Variants in VPS13A observed in about 807,000 individuals in gnomAD.
The protein encoded by VPS13A is intermembrane lipid transfer protein VPS13A.
VPS13A carries 264 observed loss-of-function variants against 390.9 expected under a neutral mutation model. That is an observed-to-expected ratio of 0.68 (90% CI 0.61 to 0.75). VPS13A has a LOEUF of 0.75. VPS13A is among the 30% of genes least tolerant of loss of function. The probability of loss-of-function intolerance (pLI) is 0.00; values close to 1 mark genes in which losing one functional copy is unlikely to be tolerated. For synonymous variants in VPS13A, 1,231 were observed against 1,227.1 expected (o/e 1.00, Z -0.07); for missense variants, 3,409 against 3,733.9 (o/e 0.91, Z 2.27).
Position 77,321,530 on chromosome 9 carries a change from G to A in VPS13A, c.5614G>A (p.Val1872Ile), listed in dbSNP as rs979019015. 16 of 1,613,264 alleles carry A rather than the reference G, an allele frequency of 9.9e-6. No homozygotes were observed. The highest frequency in any genetic ancestry group is 1.6e-4 in the Middle Eastern group (1 of 6,070). The change falls in exon 44 of 72, where the codon GTA (valine) becomes ATA (isoleucine). Residue 1872 changes from valine (V) to isoleucine (I), a missense_variant. Val to Ile is a conservative substitution (Grantham distance 29). This residue lies in a region of VPS13A where 2,717 missense variants were observed against 2,917.4 expected (regional missense o/e 0.93). Coordinates refer to ENST00000360280, the MANE Select transcript of VPS13A (RefSeq NM_033305.3). Reference protein sequence around the residue: ...EAATGSSADFVKDLAPFMILN... With the variant: ...EAATGSSADFIKDLAPFMILN... ...TGCCACTGGATCTTCAGCTGACTTCGTAAAGGATCTAGCACCATTTATGAT... is the reference window on the plus strand; with the variant it reads ...TGCCACTGGATCTTCAGCTGACTTCATAAAGGATCTAGCACCATTTATGAT...
Position 77,318,483 on chromosome 9 carries a change from T to C in VPS13A, c.5205T>C (p.Ala1735=), listed in dbSNP as rs1829535335. The C allele has an allele frequency of 6.2e-7, 1 of 1,613,856 alleles. No individual in the cohort carries two copies. Among genetic ancestry groups the C allele is most frequent in the South Asian group, 1.1e-5 (1 of 91,078 alleles). Residue 1735 remains alanine, a synonymous_variant, in exon 41 of 72, where the codon GCT becomes GCC. Transcript: ENST00000360280. ...NIDSIFIVLE[A]GIGHRTVPML... ...ATTCTATTTTTATAGTTCTTGAGGC[T>C]GGAATTGGTCATAGAACAGTACCTA...
chr9:77,247,211 C>T (rs750186118), intron 19 of VPS13A, 48 bp from the exon 20 acceptor site: 13 of 1,434,714 alleles, frequency 9.1e-6, no homozygotes, highest in Admixed American at 8.2e-5. Flanking sequence ...CTGTATTTCT[C>T]GAGTAATTTG....
Position 77,366,985 on chromosome 9 carries a change from T to A in VPS13A, c.8471+113T>A. The stretch of plus-strand genomic sequence containing the variant: ...AGTACGTTGCAGATCATAGGCAAAA[T>A]GAGGTTTTTGCATTCAAGTGAAGTG... On this transcript the variant is annotated intron_variant, in intron 61 of 71. Transcript: ENST00000360280. The A allele has an allele frequency of 4.6e-6, 5 of 1,091,160 alleles. No homozygotes were observed. The South Asian group carries it at 8.0e-5, about 18-fold the overall frequency. 67.6% of individuals were successfully genotyped at this position (1,091,160 alleles called of 1,614,324 possible). A position where few individuals can be genotyped will look rare whatever the true frequency, so the allele number is the denominator to read the frequency against.
rs749819408 is a variant in VPS13A, at chr9:77,219,995, C to G, written c.796C>G (p.Arg266Gly). The change falls in exon 11 of 72, where the codon CGC (arginine) becomes GGC (glycine). Residue 266 changes from arginine to glycine, a missense_variant. Around this residue, in one of 5 missense-constraint regions of VPS13A, gnomAD observed 2,717 missense variants for 2,917.4 expected, o/e 0.93. Transcript: ENST00000360280. ...ISANAKLVMN[R>G]RSDFDFSAPK... ...TGCTAATGCCAAACTTGTGATGAAT[C>G]GCCGATCTGATTTTGACTTTTCTGC... 1 of 1,613,268 alleles carries G rather than the reference C, an allele frequency of 6.2e-7. No individual in the cohort carries two copies. The highest frequency in any genetic ancestry group is 2.2e-5 in the East Asian group (1 of 44,834).
intron 2 of VPS13A, among the ~76,000 whole-genome samples, chr9:77,200,852 C>A (rs75977088): frequency 0.011 from 1,635 of 152,146 alleles, 14 homozygotes; most frequent in Non-Finnish European, 0.017. Context: ...GATCTTAGAT[C>A]CATTTTGAGG....
At chr9:77,384,840 T>G in intron 68 of VPS13A, 2 of 1,451,300 alleles carry the variant, frequency 1.4e-6, no homozygotes, top group East Asian at 5.0e-5. Context: ...ATTGTATTAT[T>G]TAAGCACAGA....
rs374688179 is a variant in VPS13A at position 77,253,022 on chromosome 9, T to C, written c.2288+670T>C. ...GAAGTAGAATTGCTGGATCATATTATAGTTCAGTGTTTAAGTTTTAGAGGA... is the reference window on the plus strand; with the variant it reads ...GAAGTAGAATTGCTGGATCATATTACAGTTCAGTGTTTAAGTTTTAGAGGA... On this transcript the variant is annotated intron_variant, in intron 22 of 71. Transcript: ENST00000360280. Among the ~76,000 whole-genome samples the C allele has an allele frequency of 8.9e-4, 136 of 152,348 alleles. 1 individual carries two copies. Among genetic ancestry groups the C allele is most frequent in the African/African-American group, 3.0e-3 (124 of 41,584 alleles).
chr9:77,296,838 T>G (rs571736589), intron 33 of VPS13A, among the ~76,000 whole-genome samples: 1 of 152,310 alleles, frequency 6.6e-6, no homozygotes, highest in South Asian at 2.1e-4. Flanking sequence ...ATTTCTTTAA[T>G]AAATTTGGGG....
chr9:77,275,644 G>T lies in VPS13A; in HGVS notation c.2659G>T (p.Val887Leu). Residue 887 changes from valine (V) to leucine (L), a missense_variant, in exon 25 of 72, where the codon GTA becomes TTA. Val to Leu is a conservative substitution (Grantham distance 32). Coordinates refer to ENST00000360280, the MANE Select transcript of VPS13A (RefSeq NM_033305.3). ...GACTACATTTAAAATAAGATTTGAA[G>T]TACCAAAGGTAGGTACTACGGTAAA... is the stretch of plus-strand genomic sequence containing the variant. ...NMTTFKIRFE[V>L]PKVLIEFYHL... The T allele has an allele frequency of 6.2e-7, 1 of 1,613,196 alleles. No individual in the cohort carries two copies. Among genetic ancestry groups the T allele is most frequent in the South Asian group, 1.1e-5 (1 of 91,028 alleles).
chr9:77,303,875 C>A (rs1392583778), intron 34 of VPS13A, among the ~76,000 whole-genome samples: 1 of 152,158 alleles, frequency 6.6e-6, no homozygotes, highest in South Asian at 2.1e-4. Flanking sequence ...CAGAATTGAA[C>A]AAATGTACAA....
chr9:77,286,318 G>C (rs1056638099), intron 31 of VPS13A, among the ~76,000 whole-genome samples: 3 of 152,154 alleles, frequency 2.0e-5, no homozygotes, highest in Non-Finnish European at 2.9e-5. Context: ...CTCGAGGGGT[G>C]CCCACCAGGG....
Position 77,396,937 on chromosome 9 carries a change from A to G in VPS13A, c.9190-6299A>G, listed in dbSNP as rs144112367. On this transcript the variant is annotated intron_variant, in intron 68 of 71. Transcript: ENST00000360280. The stretch of plus-strand genomic sequence containing the variant: ...CAGTCTATAAAACCATTTGTTATCT[A>G]TATATTTTCTTGCTTGATAGTATTC... Among the ~76,000 whole-genome samples the G allele has an allele frequency of 1.4e-3, 216 of 152,282 alleles. 1 individual carries two copies. The highest frequency in any genetic ancestry group is 8.7e-4 in the Non-Finnish European group (59 of 68,006).
chr9:77,235,111 T>C (rs895544529), intron 17 of VPS13A, among the ~76,000 whole-genome samples: 11 of 152,230 alleles, frequency 7.2e-5, no homozygotes, highest in African/African-American at 1.7e-4. Context: ...GGCTTTCTTA[T>C]TTGCTTATGT....
In VPS13A at chr9:77,419,251, C is replaced by G. The variant is rs1835270801; in HGVS notation, c.*3245C>G. 2 of 151,970 alleles carry G rather than the reference C, an allele frequency of 1.3e-5. No individual in the cohort carries two copies. The highest frequency in any genetic ancestry group is 2.9e-5 in the Non-Finnish European group (2 of 67,990). The allele number at this position is 151,970 out of a possible 1,614,324, so 9.4% of individuals were successfully genotyped here. A position where few individuals can be genotyped will look rare whatever the true frequency, so the allele number is the denominator to read the frequency against. On this transcript the variant is annotated 3_prime_UTR_variant, in exon 72 of 72. Coordinates refer to ENST00000360280, the MANE Select transcript of VPS13A (RefSeq NM_033305.3). ...GGGTCATGAAATCAACTTAACAGCTCAAGACCAGTATATTTTAAACGTGAA... is the reference window on the plus strand; with the variant it reads ...GGGTCATGAAATCAACTTAACAGCTGAAGACCAGTATATTTTAAACGTGAA...
intron 1 of VPS13A, among the ~76,000 whole-genome samples, chr9:77,198,142 G>C (rs149057520): frequency 2.6e-5 from 4 of 152,074 alleles, no homozygotes; most frequent in South Asian, 4.1e-4. Flanking sequence ...AGAATGTACT[G>C]TATTTATTTA....
At chr9:77,295,119 AG>A (rs1827903342) in intron 32 of VPS13A, among the ~76,000 whole-genome samples, 1 of 151,952 alleles carries the variant, frequency 6.6e-6, no homozygotes, top group Non-Finnish European at 1.5e-5. Flanking sequence ...ATGTCATTGA[AG>A]TTTTTTTTTG....
intron 54 of VPS13A, among the ~76,000 whole-genome samples, chr9:77,354,629 A>G (rs1275701742): frequency 6.6e-6 from 1 of 152,188 alleles, no homozygotes; most frequent in Non-Finnish European, 1.5e-5. Flanking sequence ...AACATATGAA[A>G]GTGAGAAAGC....
chr9:77,374,685 T>G (rs62571460), intron 67 of VPS13A, among the ~76,000 whole-genome samples: 15,629 of 152,246 alleles, frequency 0.1, 833 homozygotes, highest in Middle Eastern at 0.12. Context: ...TCCTTTCTCT[T>G]CCTTTATGCA....
At chr9:77,407,269 G>A (rs375046281) in intron 70 of VPS13A, among the ~76,000 whole-genome samples, 34 of 152,168 alleles carry the variant, frequency 2.2e-4, no homozygotes, top group Non-Finnish European at 4.3e-4. Flanking sequence ...CCTTTATGTC[G>A]ACTCTTTATG....
Sources: allele counts gnomAD v4.1 joint callset (sites outside exome capture counted in the v4.1 genomes callset), GRCh38; gene constraint gnomAD v4.1.1; regional missense constraint gnomAD v4.1.1; transcripts MANE v1.5; gene names NCBI Gene and HGNC (gene_info 2026-07-23, HGNC 2026-07-21).